Variants in TENM2 observed in about 807,000 individuals in gnomAD.
TENM2 encodes the protein teneurin-2.
In TENM2, 52 loss-of-function variants were observed where a neutral mutation model predicts 245.2. That is an observed-to-expected ratio of 0.21 (90% CI 0.17 to 0.27). The LOEUF is 0.27. Among genes scored for constraint, TENM2 ranks in the 10% least tolerant of loss-of-function variants. The probability of loss-of-function intolerance (pLI) is 1.00; values close to 1 mark genes in which losing one functional copy is unlikely to be tolerated. For synonymous variants in TENM2, 1,363 were observed against 1,438.9 expected (o/e 0.95, Z 1.19); for missense variants, 3,046 against 3,666.8 (o/e 0.83, Z 4.37).
chr5:167,887,548 G>A (rs1774385811), intron 3 of TENM2, among the ~76,000 whole-genome samples: 1 of 152,218 alleles, frequency 6.6e-6, no homozygotes, highest in African/African-American at 2.4e-5. Flanking sequence ...GGCATGATGA[G>A]AAAAGAAGTG....
chr5:167,860,234 G>C (rs1771632464), intron 2 of TENM2, among the ~76,000 whole-genome samples: 1 of 136,058 alleles, frequency 7.3e-6, no homozygotes, highest in African/African-American at 2.7e-5. Flanking sequence ...CCGGGAGGGA[G>C]GTGGGGGGGG....
At chr5:167,516,429 T>C (rs1208677405) in intron 2 of TENM2, among the ~76,000 whole-genome samples, 1 of 152,206 alleles carries the variant, frequency 6.6e-6, no homozygotes, top group Non-Finnish European at 1.5e-5. Context: ...GATGCCATGC[T>C]CGTGTGCCTT....
At chr5:167,135,261 C>T in the TENM2 span, among the ~76,000 whole-genome samples, 2 of 152,118 alleles carry the variant, frequency 1.3e-5, no homozygotes, top group Non-Finnish European at 2.9e-5. Flanking sequence ...AATTTTATTT[C>T]ATCAAATAAT....
exon 21 of TENM2, chr5:168,215,243 C>T: frequency 1.2e-6 from 2 of 1,613,820 alleles, no homozygotes; most frequent in Non-Finnish European, 1.7e-6. Context: ...GGAGGGAAGG[C>T]CATAGATGCA....
rs1300032473 is a variant in TENM2, at chr5:168,165,816, G to T, written c.2569+3059G>T. The T allele has an allele frequency of 4.8e-5, 7 of 146,478 alleles. No individual in the cohort carries two copies. The South Asian group carries it at 1.5e-3, about 32-fold the overall frequency. The allele number at this position is 146,478 out of a possible 1,614,324, so 9.1% of individuals were successfully genotyped here. A position where few individuals can be genotyped will look rare whatever the true frequency, so the allele number is the denominator to read the frequency against. ...ACCACAAAGAAAAAAAAAAAAAAAG[G>T]CTGCATGGTGTTTATGAAAAGAAAC... On this transcript the variant is annotated intron_variant, in intron 13 of 28. Transcript: ENST00000518659.
At chr5:167,913,405 C>T (rs916930022) in intron 3 of TENM2, among the ~76,000 whole-genome samples, 2 of 152,154 alleles carry the variant, frequency 1.3e-5, no homozygotes, top group African/African-American at 4.8e-5. Flanking sequence ...TGTTACAAAG[C>T]ATATTTATTT....
the TENM2 span, among the ~76,000 whole-genome samples, chr5:167,039,378 C>T: frequency 1.3e-5 from 2 of 152,110 alleles, no homozygotes; most frequent in South Asian, 2.1e-4. Flanking sequence ...CTCAGTGCAA[C>T]GTTTCTAGGT....
chr5:167,904,845 G>A (rs947789769), intron 3 of TENM2, among the ~76,000 whole-genome samples: 1 of 152,156 alleles, frequency 6.6e-6, no homozygotes, highest in South Asian at 2.1e-4. Flanking sequence ...CCTCATCTCA[G>A]AAACCCTTCA....
At chr5:166,997,723 A>C in the TENM2 span, among the ~76,000 whole-genome samples, 3 of 152,184 alleles carry the variant, frequency 2.0e-5, no homozygotes, top group Admixed American at 6.5e-5. Flanking sequence ...GAGAAACAGC[A>C]TCAGGGAAGA....
intron 2 of TENM2, among the ~76,000 whole-genome samples, chr5:167,872,456 AAG>A: frequency 2.0e-5 from 3 of 147,256 alleles, no homozygotes; most frequent in Non-Finnish European, 4.5e-5. Context: ...GAAAGAAAGA[AAG>A]CACGAAAGAA....
chr5:168,171,754 G>A (rs1280810002), intron 13 of TENM2, among the ~76,000 whole-genome samples: 2 of 152,110 alleles, frequency 1.3e-5, no homozygotes, highest in African/African-American at 2.4e-5. Flanking sequence ...TGATGAAAAT[G>A]CATAATCTGA....
At chr5:167,819,375 T>A (rs568077319) in intron 2 of TENM2, among the ~76,000 whole-genome samples, 1 of 152,304 alleles carries the variant, frequency 6.6e-6, no homozygotes, top group African/African-American at 2.4e-5. Flanking sequence ...CAGGGATGCA[T>A]GTTCAGGAGA....
intron 3 of TENM2, among the ~76,000 whole-genome samples, chr5:167,915,627 C>T (rs145100350): frequency 6.6e-6 from 1 of 152,148 alleles, no homozygotes; most frequent in Non-Finnish European, 1.5e-5. Flanking sequence ...TCCCCATTCT[C>T]CAATCCCTCC....
chr5:167,187,860 C>G, the TENM2 span, among the ~76,000 whole-genome samples: 1 of 152,056 alleles, frequency 6.6e-6, no homozygotes, highest in Non-Finnish European at 1.5e-5. Context: ...TTTCCAAGAA[C>G]AGGTGAAATA....
chr5:167,758,669 G>A (rs895508636), intron 2 of TENM2, among the ~76,000 whole-genome samples: 3 of 151,988 alleles, frequency 2.0e-5, no homozygotes, highest in African/African-American at 7.3e-5. Flanking sequence ...TGGTTGTTAG[G>A]ACTCACATTC....
chr5:167,385,864 G>A lies in TENM2; in HGVS notation c.502+10391G>A, dbSNP rs1045843061. Among the ~76,000 whole-genome samples the A allele has an allele frequency of 9.6e-4, 127 of 132,156 alleles. 2 individuals carry two copies. Among genetic ancestry groups the A allele is most frequent in the African/African-American group, 2.1e-3 (65 of 31,236 alleles). 86.7% of individuals were successfully genotyped at this position (132,156 alleles called of 152,430 possible). A position where few individuals can be genotyped will look rare whatever the true frequency, so the allele number is the denominator to read the frequency against. ...TATTCCATTATATATATATGTGTGT[G>A]TGTGTGTGTGTGTGTGTGTGTGTGT... is the stretch of plus-strand genomic sequence containing the variant. On this transcript the variant is annotated intron_variant, in intron 2 of 28. Transcript: ENST00000518659.
At chr5:167,343,540 C>T (rs1758253779) in intron 1 of TENM2, among the ~76,000 whole-genome samples, 2 of 152,162 alleles carry the variant, frequency 1.3e-5, no homozygotes, top group South Asian at 2.1e-4. Context: ...TTTACTAACA[C>T]CTCTAAAATC....
At chr5:167,374,272 T>C (rs893002302) in intron 1 of TENM2, among the ~76,000 whole-genome samples, 22 of 152,222 alleles carry the variant, frequency 1.4e-4, no homozygotes, top group South Asian at 4.1e-4. Context: ...CAGTATTCAG[T>C]ACATAACATG....
At chr5:167,618,508 GA>G (rs1471252137) in intron 2 of TENM2, among the ~76,000 whole-genome samples, 3 of 152,082 alleles carry the variant, frequency 2.0e-5, no homozygotes, top group Non-Finnish European at 4.4e-5. Flanking sequence ...CTTCCAGAGT[GA>G]CTCTAATGTG....
Sources: allele counts gnomAD v4.1 joint callset (sites outside exome capture counted in the v4.1 genomes callset), GRCh38; gene constraint gnomAD v4.1.1; transcripts MANE v1.5; gene names NCBI Gene and HGNC (gene_info 2026-07-23, HGNC 2026-07-21).